Variants in KDM4C observed in about 807,000 individuals in gnomAD.
KDM4C encodes the protein lysine demethylase 4C.
In KDM4C, 81 loss-of-function variants were observed where a neutral mutation model predicts 129.3. The observed-to-expected ratio is 0.63, with a 90% CI of 0.52 to 0.75. The LOEUF is 0.75. Among genes scored for constraint, KDM4C ranks in the 30% least tolerant of loss-of-function variants. The pLI is 0.00. For synonymous variants in KDM4C, 573 were observed against 456.1 expected, an observed-to-expected ratio of 1.26 and a Z score of -3.26; for missense variants, 1,457 against 1,304.0, an observed-to-expected ratio of 1.12 and a Z score of -1.81.
chr9:6,766,049 A>G (rs1820566386), intron 1 of KDM4C, among the ~76,000 whole-genome samples: 1 of 152,190 alleles, frequency 6.6e-6, no homozygotes, highest in Non-Finnish European at 1.5e-5. Context: ...TCAGCCTCCC[A>G]AAGTGCTGGG....
chr9:7,038,786 A>T (rs914397176), intron 15 of KDM4C, among the ~76,000 whole-genome samples: 1 of 151,924 alleles, frequency 6.6e-6, no homozygotes, highest in African/African-American at 2.4e-5. Flanking sequence ...ATGACCCCCA[A>T]ACTAGATATA....
At chr9:7,158,734 A>G (rs748855676) in intron 19 of KDM4C, among the ~76,000 whole-genome samples, 1 of 152,132 alleles carries the variant, frequency 6.6e-6, no homozygotes, top group Non-Finnish European at 1.5e-5. Context: ...GTGCTTTTAC[A>G]TTTGCTGAGG....
intron 17 of KDM4C, chr9:7,077,115 GA>G (rs1351294693): frequency 4.1e-6 from 4 of 985,184 alleles, no homozygotes; most frequent in Non-Finnish European, 4.8e-6. Context: ...ATATGCTATC[GA>G]AACAGATGTG....
rs1009722964 is a variant in KDM4C, at chr9:6,992,912, G to A, written c.1786+2388G>A. Among the ~76,000 whole-genome samples the A allele has an allele frequency of 2.0e-5, 3 of 152,186 alleles. No homozygotes were observed. The East Asian group carries it at 5.8e-4, about 29-fold the overall frequency. On this transcript the variant is annotated intron_variant, in intron 12 of 21. Coordinates refer to ENST00000381309, the MANE Select transcript of KDM4C (RefSeq NM_015061.6). ...AAAGTTTCTCCCTAACAGAAAGGCT[G>A]CACAGGGGAAAGTGACTTGGTCCAG...
chr9:7,042,625 T>C (rs1456257331), intron 15 of KDM4C, among the ~76,000 whole-genome samples: 1 of 152,090 alleles, frequency 6.6e-6, no homozygotes, highest in Non-Finnish European at 1.5e-5. Context: ...TCTACCAGTA[T>C]CATCTTCGTG....
At chr9:7,112,891 A>G (rs1260375211) in intron 18 of KDM4C, among the ~76,000 whole-genome samples, 1 of 152,172 alleles carries the variant, frequency 6.6e-6, no homozygotes, top group Non-Finnish European at 1.5e-5. Context: ...TGTTTTGCCG[A>G]TGATAGAATT....
Position 6,865,899 on chromosome 9 carries a change from C to T in KDM4C, c.630-14113C>T, listed in dbSNP as rs183677714. ...CCGAGTAGCTGGGACTACAGGCGCCCGCCACCACCATGCCTGGCTAATTTT... is the reference window on the plus strand; with the variant it reads ...CCGAGTAGCTGGGACTACAGGCGCCTGCCACCACCATGCCTGGCTAATTTT... On this transcript the variant is annotated intron_variant, in intron 5 of 21. Transcript: ENST00000381309. Among the ~76,000 whole-genome samples, 537 of 151,904 alleles carry T rather than the reference C, an allele frequency of 3.5e-3. 8 individuals are homozygous for T. Among genetic ancestry groups the T allele is most frequent in the African/African-American group, 0.011 (435 of 41,420 alleles).
At chr9:6,860,777 A>G (rs1217753685) in intron 5 of KDM4C, among the ~76,000 whole-genome samples, 2 of 152,198 alleles carry the variant, frequency 1.3e-5, no homozygotes, top group Non-Finnish European at 2.9e-5. Flanking sequence ...GTTACTTGGA[A>G]TGTATTTTAA....
intron 18 of KDM4C, chr9:7,105,318 G>C (rs868192513): frequency 2.5e-4 from 102 of 407,032 alleles, no homozygotes; most frequent in South Asian, 5.6e-4. Context: ...AACAGATTGT[G>C]CAACCCTGTG....
intron 8 of KDM4C, among the ~76,000 whole-genome samples, chr9:6,915,188 A>G (rs190564688): frequency 6.6e-4 from 101 of 152,312 alleles, no homozygotes; most frequent in Non-Finnish European, 9.6e-4. Context: ...AATGCAGCTC[A>G]CCCTATATTG....
intron 5 of KDM4C, among the ~76,000 whole-genome samples, chr9:6,868,429 C>T (rs967390821): frequency 4.6e-5 from 7 of 152,216 alleles, no homozygotes; most frequent in South Asian, 4.2e-4. Context: ...ACTGGATCAC[C>T]GATTTGAGCC....
chr9:7,045,213 G>A (rs1040636557), intron 15 of KDM4C, among the ~76,000 whole-genome samples: 1 of 151,986 alleles, frequency 6.6e-6, no homozygotes, highest in Non-Finnish European at 1.5e-5. Flanking sequence ...CTTCCATGCT[G>A]CTGCGCTGTA....
chr9:7,047,601 A>G (rs1470492052), intron 16 of KDM4C, among the ~76,000 whole-genome samples: 1 of 152,018 alleles, frequency 6.6e-6, no homozygotes, highest in Admixed American at 6.6e-5. Context: ...AGACATGTCA[A>G]AATAACCTGG....
At chr9:6,903,665 T>G (rs1817786695) in intron 8 of KDM4C, among the ~76,000 whole-genome samples, 1 of 152,222 alleles carries the variant, frequency 6.6e-6, no homozygotes, top group Non-Finnish European at 1.5e-5. Context: ...ACCAATTGTG[T>G]CCATACACTG....
chr9:6,931,702 T>C (rs1234558451), intron 8 of KDM4C, among the ~76,000 whole-genome samples: 1 of 152,122 alleles, frequency 6.6e-6, no homozygotes, highest in Non-Finnish European at 1.5e-5. Flanking sequence ...GGTTTCACCA[T>C]GTTGCCTAGG....
At chr9:6,954,614 G>A (rs1014748709) in intron 8 of KDM4C, among the ~76,000 whole-genome samples, 3 of 152,134 alleles carry the variant, frequency 2.0e-5, no homozygotes, top group African/African-American at 7.2e-5. Context: ...CAGGTTTCTG[G>A]AGTTTGGATT....
chr9:7,036,394 A>C (rs1228923038), intron 15 of KDM4C, among the ~76,000 whole-genome samples: 1 of 152,158 alleles, frequency 6.6e-6, no homozygotes, highest in Non-Finnish European at 1.5e-5. Context: ...CTATTATGTA[A>C]ATGTTGTAAG....
intron 1 of KDM4C, among the ~76,000 whole-genome samples, chr9:6,770,725 TC>T (rs1320428508): frequency 2.7e-5 from 4 of 149,056 alleles, no homozygotes; most frequent in South Asian, 2.1e-4. Context: ...TTTTTTTTTT[TC>T]AATATAGCCG....
rs1822746328 is a variant in KDM4C at position 7,011,772 on chromosome 9, T to C, written c.1861T>C (p.Trp621Arg). Residue 621 changes from tryptophan to arginine, a missense_variant, in exon 13 of 22, where the codon TGG becomes CGG. Physicochemically the swap from Trp to Arg is moderately radical, Grantham distance 101. Coordinates refer to ENST00000381309, the MANE Select transcript of KDM4C (RefSeq NM_015061.6). Reference sequence around the variant, plus strand: ...TTGGGCGAAACCTCTCATCCACCTTTGGCAGACGAAGTCCCCTAACTTCGC... The same window carrying C: ...TTGGGCGAAACCTCTCATCCACCTTCGGCAGACGAAGTCCCCTAACTTCGC... ...ESWAKPLIHL[W>R]QTKSPNFAAE... 1 of 1,614,068 alleles carries C rather than the reference T, an allele frequency of 6.2e-7. No homozygotes were observed. Among genetic ancestry groups the C allele is most frequent in the Non-Finnish European group, 8.5e-7 (1 of 1,180,018 alleles).
Sources: allele counts gnomAD v4.1 joint callset (sites outside exome capture counted in the v4.1 genomes callset), GRCh38; gene constraint gnomAD v4.1.1; transcripts MANE v1.5; gene names NCBI Gene and HGNC (gene_info 2026-07-23, HGNC 2026-07-21).